Variants in RCBTB1 observed in about 807,000 individuals in gnomAD.
RCBTB1 encodes RCC1 and BTB domain-containing protein 1.
In RCBTB1, 46 loss-of-function variants were observed where a neutral mutation model predicts 62.4. That is an observed-to-expected ratio of 0.74 (90% CI 0.58 to 0.94). The LOEUF (loss-of-function observed/expected upper bound fraction) is 0.94. Ranked by LOEUF, RCBTB1 falls within the 40% of genes least tolerant of loss-of-function variation. RCBTB1 has a pLI of 0.00. For missense variants in RCBTB1, 565 were observed against 654.9 expected (o/e 0.86, Z 1.50); for synonymous variants, 222 against 245.8 (o/e 0.90, Z 0.91).
At chr13:49,535,905 C>T (rs1385254099) in intron 12 of RCBTB1, among the ~76,000 whole-genome samples, 1 of 151,976 alleles carries the variant, frequency 6.6e-6, no homozygotes, top group Non-Finnish European at 1.5e-5. Context: ...CACCTGTAAT[C>T]CCAGCTACTC....
At chr13:49,556,315 C>G (rs908407099) in intron 5 of RCBTB1, among the ~76,000 whole-genome samples, 2 of 151,734 alleles carry the variant, frequency 1.3e-5, no homozygotes, top group Admixed American at 1.3e-4. Flanking sequence ...TCCTACCTCC[C>G]AAGTAGCTGG....
rs978958979 is a variant in RCBTB1, at chr13:49,549,725, A to C, written c.855-77T>G. 1.1e-5 allele frequency: 16 copies of C among 1,511,132 alleles called. No homozygotes were observed. In the East Asian group the frequency reaches 3.7e-4, roughly 35 times the overall value. The allele number at this position is 1,511,132 out of a possible 1,614,324, so 93.6% of individuals were successfully genotyped here. On this transcript the variant is annotated intron_variant, in intron 8 of 12. Coordinates refer to ENST00000378302, the MANE Select transcript of RCBTB1 (RefSeq NM_018191.4). ...AGCACACCACACAAGGCAATTTAAA[A>C]GTTCATGCTTGCAATACCTCAGAAA...
At chr13:49,571,519 A>G (rs1177745948) in intron 2 of RCBTB1, among the ~76,000 whole-genome samples, 1 of 152,176 alleles carries the variant, frequency 6.6e-6, no homozygotes, top group East Asian at 1.9e-4. Flanking sequence ...CTCACAACAT[A>G]CAAGGTGCAT....
intron 5 of RCBTB1, among the ~76,000 whole-genome samples, chr13:49,558,755 A>G (rs1378144853): frequency 3.9e-5 from 6 of 152,082 alleles, no homozygotes; most frequent in African/African-American, 1.4e-4. Flanking sequence ...ATGCATAACA[A>G]TAAACAACAC....
chr13:49,549,534 G>A lies in RCBTB1; in HGVS notation c.969C>T (p.Leu323=), dbSNP rs1414269214. ...CRGQSVILPH[L]THFSCTDDVF... ...CGTCGTCGGTGCAGGAGAAGTGGGTGAGGTGCGGGAGGATCACGGACTGAC... is the reference window on the plus strand; with the variant it reads ...CGTCGTCGGTGCAGGAGAAGTGGGTAAGGTGCGGGAGGATCACGGACTGAC... Residue 323 remains leucine (L), a synonymous_variant, in exon 9 of 13, where the codon CTC becomes CTT. Transcript: ENST00000378302. 6.2e-7 allele frequency: 1 copy of A among 1,614,082 alleles called. No individual in the cohort carries two copies. Among genetic ancestry groups the A allele is most frequent in the East Asian group, 2.2e-5 (1 of 44,870 alleles).
At chr13:49,551,977 A>C (rs938885900) in intron 7 of RCBTB1, among the ~76,000 whole-genome samples, 4 of 140,754 alleles carry the variant, frequency 2.8e-5, no homozygotes, top group African/African-American at 7.9e-5. Flanking sequence ...TTTTTTTTTA[A>C]CTTGTCGAGC....
chr13:49,573,374 G>A (rs185191638), intron 2 of RCBTB1, among the ~76,000 whole-genome samples: 8 of 151,520 alleles, frequency 5.3e-5, no homozygotes, highest in Admixed American at 2.0e-4. Flanking sequence ...TCGTCAGCAG[G>A]GTTGTGGCCA....
chr13:49,559,385 G>A (rs1018872919), intron 5 of RCBTB1, among the ~76,000 whole-genome samples: 7 of 152,144 alleles, frequency 4.6e-5, no homozygotes, highest in Non-Finnish European at 8.8e-5. Flanking sequence ...GGCTGGGCAC[G>A]GTGGCTCACG....
chr13:49,565,006 C>CTCCCAT (rs1369238312), intron 4 of RCBTB1, among the ~76,000 whole-genome samples: 1 of 152,258 alleles, frequency 6.6e-6, no homozygotes, highest in South Asian at 2.1e-4. Flanking sequence ...CCCGCTCCCG[C>CTCCCAT]TCCCATTCCC....
intron 8 of RCBTB1, chr13:49,550,365 C>A: frequency 2.5e-6 from 2 of 806,820 alleles, no homozygotes; most frequent in African/African-American, 1.9e-5. Flanking sequence ...CTGGGGGTCA[C>A]GGACTCTGAA....
intron 4 of RCBTB1, among the ~76,000 whole-genome samples, chr13:49,564,283 T>C (rs570356636): frequency 6.6e-6 from 1 of 152,110 alleles, no homozygotes; most frequent in Admixed American, 6.5e-5. Context: ...CCAGGTAGCA[T>C]CTATGTTTAG....
intron 5 of RCBTB1, among the ~76,000 whole-genome samples, chr13:49,557,731 G>A (rs1031730945): frequency 6.6e-6 from 1 of 151,724 alleles, no homozygotes; most frequent in Non-Finnish European, 1.5e-5. Context: ...ACCAGCCTGG[G>A]CAACATAGCC....
chr13:49,580,268 C>G (rs760947101), intron 2 of RCBTB1, among the ~76,000 whole-genome samples: 12 of 152,018 alleles, frequency 7.9e-5, no homozygotes, highest in Non-Finnish European at 1.6e-4. Context: ...ACAAAAAAAC[C>G]AATGATGGGT....
Position 49,541,662 on chromosome 13 carries a change from T to C in RCBTB1, c.1324+14A>G, listed in dbSNP as rs760211901. 1.9e-6 allele frequency: 3 copies of C among 1,598,860 alleles called. No homozygotes were observed. Among genetic ancestry groups the C allele is most frequent in the Non-Finnish European group, 2.6e-6 (3 of 1,174,712 alleles). ...CCACCATGCGGCTCGTCCATCCCAA[T>C]GCTACCACAGTACCTATAGCATCTT... On this transcript the variant is annotated intron_variant, in intron 11 of 12. Coordinates refer to ENST00000378302, the MANE Select transcript of RCBTB1 (RefSeq NM_018191.4).
intron 2 of RCBTB1, among the ~76,000 whole-genome samples, chr13:49,569,225 T>C (rs7982423): frequency 0.08 from 12,137 of 152,230 alleles, 768 homozygotes; most frequent in East Asian, 0.33. Flanking sequence ...TTTTTCTTGT[T>C]CTTGATTTAT....
intron 2 of RCBTB1, 148 bp from the exon 3 acceptor site, chr13:49,567,468 C>G (rs936831488): frequency 3.3e-6 from 2 of 603,004 alleles, no homozygotes; most frequent in African/African-American, 3.7e-5. Flanking sequence ...TTTCCCCCAG[C>G]CATGTGTGCA....
intron 3 of RCBTB1, among the ~76,000 whole-genome samples, 154 bp from the exon 4 acceptor site, chr13:49,566,922 C>T (rs1963060193): frequency 6.6e-6 from 1 of 152,150 alleles, no homozygotes; most frequent in African/African-American, 2.4e-5. Flanking sequence ...CCTCTGTGGA[C>T]ATTGCTTACG....
intron 9 of RCBTB1, chr13:49,546,861 A>G (rs571734059): frequency 1.3e-6 from 1 of 755,318 alleles, no homozygotes; most frequent in African/African-American, 1.9e-5. Flanking sequence ...CCCAGTTAAT[A>G]ACAGGCCACG....
intron 6 of RCBTB1, among the ~76,000 whole-genome samples, chr13:49,554,857 C>T (rs1188216356): frequency 6.6e-6 from 1 of 152,166 alleles, no homozygotes; most frequent in Non-Finnish European, 1.5e-5. Context: ...ACTGCCCAAG[C>T]ACACCAATGC....
Sources: allele counts gnomAD v4.1 joint callset (sites outside exome capture counted in the v4.1 genomes callset), GRCh38; gene constraint gnomAD v4.1.1; transcripts MANE v1.5; gene names NCBI Gene and HGNC (gene_info 2026-07-23, HGNC 2026-07-21).